KCNH1: variants seen among roughly 807,000 people sequenced by gnomAD.
KCNH1 encodes potassium voltage-gated channel subfamily H member 1.
KCNH1 carries 27 observed loss-of-function variants against 69.2 expected under a neutral mutation model. The ratio of observed to expected loss-of-function variants is 0.39; its 90% CI spans 0.29 to 0.54. The LOEUF (loss-of-function observed/expected upper bound fraction) is 0.54. Ranked by LOEUF, KCNH1 falls within the 20% of genes least tolerant of loss-of-function variation. The probability of loss-of-function intolerance (pLI) is 0.68; values close to 1 mark genes in which losing one functional copy is unlikely to be tolerated. For missense variants in KCNH1, 798 were observed against 1,261.6 expected, an observed-to-expected ratio of 0.63 and a Z score of 5.57; for synonymous variants, 456 against 487.7, an observed-to-expected ratio of 0.93 and a Z score of 0.86.
At chr1:210,780,964 G>A (rs1309723311) in intron 9 of KCNH1, among the ~76,000 whole-genome samples, 3 of 152,158 alleles carry the variant, frequency 2.0e-5, no homozygotes, top group African/African-American at 7.2e-5. Flanking sequence ...GGAGAATGGC[G>A]TGAACCCGGG....
chr1:210,770,428 C>T (rs997341589), intron 10 of KCNH1, among the ~76,000 whole-genome samples: 4 of 152,218 alleles, frequency 2.6e-5, no homozygotes, highest in Non-Finnish European at 5.9e-5. Flanking sequence ...TTTTCACAAA[C>T]AAGGAAACTG....
chr1:210,697,838 T>G (rs1681679021), intron 10 of KCNH1, among the ~76,000 whole-genome samples: 1 of 152,252 alleles, frequency 6.6e-6, no homozygotes, highest in African/African-American at 2.4e-5. Flanking sequence ...CCGGCAATCC[T>G]TGTTCCTGGT....
At chr1:211,003,341 G>T (rs1473510872) in intron 6 of KCNH1, among the ~76,000 whole-genome samples, 1 of 152,134 alleles carries the variant, frequency 6.6e-6, no homozygotes, top group East Asian at 1.9e-4. Flanking sequence ...CCTCCAACAA[G>T]TCACCATAGG....
intron 9 of KCNH1, among the ~76,000 whole-genome samples, chr1:210,787,161 T>A (rs1188694860): frequency 8.2e-5 from 7 of 85,682 alleles, no homozygotes; most frequent in African/African-American, 4.8e-4. Context: ...TTGGAACTAC[T>A]TTTTTTTTTT....
At chr1:211,047,140 C>T (rs961014839) in intron 5 of KCNH1, among the ~76,000 whole-genome samples, 20 of 152,060 alleles carry the variant, frequency 1.3e-4, no homozygotes, top group African/African-American at 4.6e-4. Context: ...ACCTAGTATA[C>T]CTCTCAATTC....
chr1:210,891,669 A>T (rs1686753687), intron 7 of KCNH1, among the ~76,000 whole-genome samples: 1 of 152,118 alleles, frequency 6.6e-6, no homozygotes, highest in South Asian at 2.1e-4. Context: ...TTCTTCAAGG[A>T]TCTAGAACCA....
intron 7 of KCNH1, among the ~76,000 whole-genome samples, chr1:210,820,150 A>G (rs550243641): frequency 6.6e-6 from 1 of 152,386 alleles, no homozygotes; most frequent in South Asian, 2.1e-4. Flanking sequence ...TAGATAACTC[A>G]TACAGAAATG....
At chr1:210,779,728 G>GAA (rs769886745) in intron 9 of KCNH1, among the ~76,000 whole-genome samples, 2 of 147,844 alleles carry the variant, frequency 1.4e-5, no homozygotes, top group East Asian at 2.0e-4. Context: ...TCTGAGCTGG[G>GAA]AAAAAAAAAA....
chr1:210,988,845 T>G (rs1025569370), intron 6 of KCNH1, among the ~76,000 whole-genome samples: 1 of 152,366 alleles, frequency 6.6e-6, no homozygotes, highest in Middle Eastern at 3.4e-3. Context: ...TATGATTTGC[T>G]GCCTGCTTGA....
intron 5 of KCNH1, among the ~76,000 whole-genome samples, chr1:211,043,176 GA>G (rs1429125730): frequency 6.6e-6 from 1 of 152,082 alleles, no homozygotes; most frequent in Non-Finnish European, 1.5e-5. Flanking sequence ...CTGTTTCTTT[GA>G]AAAGATAAAT....
chr1:211,103,819 A>T (rs73075407), intron 2 of KCNH1, among the ~76,000 whole-genome samples: 244 of 152,386 alleles, frequency 1.6e-3, no homozygotes, highest in African/African-American at 5.7e-3. Flanking sequence ...TGAGAGATAC[A>T]CACCATAAAA....
At position 210,683,512 on chromosome 1, in the gene KCNH1, C is replaced by T. The variant is rs776900309; in HGVS notation, c.2739G>A (p.Ser913=). The change falls in exon 11 of 11, where the codon TCG becomes TCA. Residue 913 remains serine, a synonymous_variant. Transcript: ENST00000271751. The surrounding 1 kb of genome is among the most constrained non-coding windows in gnomAD (Gnocchi z 5.7). ...GCGTCTGCTCAGGGATGGGGTAGAA[C>T]GAATGCTTGACCTCTGCCAGGATGG... ...RSPILAEVKH[S]FYPIPEQTLQ... The T allele has an allele frequency of 1.9e-5, 31 of 1,614,026 alleles. No individual in the cohort carries two copies. The highest frequency in any genetic ancestry group is 1.6e-4 in the Middle Eastern group (1 of 6,082).
intron 5 of KCNH1, among the ~76,000 whole-genome samples, chr1:211,036,502 C>T (rs1433242218): frequency 6.6e-6 from 1 of 152,184 alleles, no homozygotes; most frequent in East Asian, 1.9e-4. Flanking sequence ...GCACAAAAAG[C>T]TTTCTCAGGA....
At chr1:210,983,212 C>T (rs1283331529) in intron 6 of KCNH1, among the ~76,000 whole-genome samples, 1 of 152,142 alleles carries the variant, frequency 6.6e-6, no homozygotes, top group Non-Finnish European at 1.5e-5. Context: ...TTCTCCCATT[C>T]TGTAGGTTGC....
At chr1:210,976,584 C>T (rs1688615449) in intron 6 of KCNH1, among the ~76,000 whole-genome samples, 1 of 142,916 alleles carries the variant, frequency 7.0e-6, no homozygotes, top group Admixed American at 7.3e-5. Flanking sequence ...ACCATTTGAC[C>T]CAGCCATCCC....
At chr1:210,789,384 T>C (rs1188762744) in intron 9 of KCNH1, among the ~76,000 whole-genome samples, 1 of 152,256 alleles carries the variant, frequency 6.6e-6, no homozygotes, top group African/African-American at 2.4e-5. Flanking sequence ...TAAGCCATTC[T>C]GTCTTCATTG....
chr1:210,866,806 C>A (rs1258917996), intron 7 of KCNH1, among the ~76,000 whole-genome samples: 2 of 152,028 alleles, frequency 1.3e-5, no homozygotes, highest in East Asian at 1.9e-4. Flanking sequence ...TACATGAATG[C>A]TCATAATGTT....
At chr1:210,933,957 G>A (rs1436919778) in intron 6 of KCNH1, among the ~76,000 whole-genome samples, 1 of 152,176 alleles carries the variant, frequency 6.6e-6, no homozygotes, top group Non-Finnish European at 1.5e-5. Context: ...TTCAATAAAT[G>A]ATGTTGGGGA....
chr1:211,035,398 G>A lies in KCNH1; in HGVS notation c.559-16142C>T, dbSNP rs553663460. ...CAAGTAGCTGGGACTACAGGCGCCC[G>A]CCACTACGCCCGGCTAATTTTTTGT... On this transcript the variant is annotated intron_variant, in intron 5 of 10. Transcript: ENST00000271751. 1.3e-4 allele frequency among the ~76,000 whole-genome samples: 19 copies of A among 150,232 alleles called. No homozygotes were observed. The South Asian group carries it at 3.4e-3, about 27-fold the overall frequency.
Sources: allele counts gnomAD v4.1 joint callset (sites outside exome capture counted in the v4.1 genomes callset), GRCh38; gene constraint gnomAD v4.1.1; non-coding constraint Gnocchi (gnomAD v3.1); transcripts MANE v1.5; gene names NCBI Gene and HGNC (gene_info 2026-07-23, HGNC 2026-07-21).